Variants in UBE2W observed in about 807,000 individuals in gnomAD.
The protein encoded by UBE2W is ubiquitin conjugating enzyme E2 W.
UBE2W carries 18 observed loss-of-function variants against 27.2 expected under a neutral mutation model. That is an observed-to-expected ratio of 0.66 (90% confidence interval 0.46 to 0.98). UBE2W has a LOEUF of 0.98. UBE2W is among the 50% of genes least tolerant of loss of function. The pLI is 0.00. For synonymous variants in UBE2W, 53 were observed against 57.2 expected (o/e 0.93, Z 0.33); for missense variants, 90 against 180.2 (o/e 0.50, Z 2.87).
At chr8:73,869,156 T>A (rs1202743937) in intron 1 of UBE2W, among the ~76,000 whole-genome samples, 1 of 152,166 alleles carries the variant, frequency 6.6e-6, no homozygotes, top group African/African-American at 2.4e-5. Context: ...CTGGGCATGG[T>A]GGCTCAGGCC....
At chr8:73,870,383 T>C (rs1459402459) in intron 1 of UBE2W, 1 of 1,296,324 alleles carries the variant, frequency 7.7e-7, no homozygotes, top group Non-Finnish European at 1.0e-6. Flanking sequence ...GTGCAGGGAC[T>C]AGAAATCAGA....
At chr8:73,795,707 C>G in intron 5 of UBE2W, 1 of 795,020 alleles carries the variant, frequency 1.3e-6, no homozygotes, top group East Asian at 1.3e-4. Context: ...AATAAATCAT[C>G]CCTAATTCAT....
chr8:73,786,513 G>A lies in UBE2W; in HGVS notation c.*7589C>T. ...ACTGTCCCTACTGTTAAAAAGTTCAGGATAGATGACTGGTAGGGAGAGAAG... is the reference window on the plus strand; with the variant it reads ...ACTGTCCCTACTGTTAAAAAGTTCAAGATAGATGACTGGTAGGGAGAGAAG... On this transcript the variant is annotated 3_prime_UTR_variant, in exon 6 of 6. Transcript: ENST00000602593. The A allele has an allele frequency of 1.0e-6, 1 of 985,444 alleles. No individual in the cohort carries two copies. The highest frequency in any genetic ancestry group is 1.2e-6 in the Non-Finnish European group (1 of 829,948). The allele number at this position is 985,444 out of a possible 1,614,324, so 61.0% of individuals were successfully genotyped here. A position where few individuals can be genotyped will look rare whatever the true frequency, so the allele number is the denominator to read the frequency against.
chr8:73,831,191 G>T, intron 1 of UBE2W: 1 of 446,850 alleles, frequency 2.2e-6, no homozygotes, highest in African/African-American at 2.1e-5. Flanking sequence ...CCAAATGGGT[G>T]GCTTTCCTGG....
At chr8:73,814,328 T>C (rs60279019) in intron 3 of UBE2W, among the ~76,000 whole-genome samples, 2,806 of 152,294 alleles carry the variant, frequency 0.018, 92 homozygotes, top group African/African-American at 0.065. Flanking sequence ...TTTGAAACCA[T>C]AGCAACTTTG....
chr8:73,784,998 A>C (rs1465651080), downstream of UBE2W, among the ~76,000 whole-genome samples: 4 of 152,174 alleles, frequency 2.6e-5, no homozygotes, highest in African/African-American at 4.8e-5. Context: ...GACCTACATC[A>C]TTCCAAATAC....
chr8:73,813,083 CAAAAAAAAAAAA>C (rs56094830), intron 3 of UBE2W, among the ~76,000 whole-genome samples: 6 of 43,432 alleles, frequency 1.4e-4, no homozygotes, highest in East Asian at 7.7e-4. Context: ...GAAAGTGCCA[CAAAAAAAAAAAA>C]AAAAAAAAAA....
At chr8:73,820,809 G>A (rs1298027927) in intron 3 of UBE2W, among the ~76,000 whole-genome samples, 2 of 151,912 alleles carry the variant, frequency 1.3e-5, no homozygotes, top group Non-Finnish European at 2.9e-5. Context: ...AACCAAGCCA[G>A]GCATGGCGGC....
At chr8:73,817,541 T>G (rs1329925335) in intron 3 of UBE2W, among the ~76,000 whole-genome samples, 2 of 152,008 alleles carry the variant, frequency 1.3e-5, no homozygotes, top group Non-Finnish European at 2.9e-5. Flanking sequence ...TGTTTTGAGA[T>G]GGAGTCTCGT....
chr8:73,866,835 G>A (rs1041260446), intron 1 of UBE2W, among the ~76,000 whole-genome samples: 2 of 150,376 alleles, frequency 1.3e-5, no homozygotes, highest in African/African-American at 4.9e-5. Context: ...AGATCACAAG[G>A]TCAGGAAATC....
chr8:73,807,376 G>A (rs1272393691), intron 4 of UBE2W, among the ~76,000 whole-genome samples: 1 of 152,196 alleles, frequency 6.6e-6, no homozygotes, highest in African/African-American at 2.4e-5. Flanking sequence ...GCAATCGTGA[G>A]TAGGACTCTG....
intron 1 of UBE2W, among the ~76,000 whole-genome samples, chr8:73,853,606 G>A (rs1811166172): frequency 6.6e-6 from 1 of 152,138 alleles, no homozygotes; most frequent in East Asian, 1.9e-4. Context: ...ATTTGTAGGA[G>A]TGTATAATAC....
chr8:73,874,970 T>C (rs916248061), intron 1 of UBE2W, among the ~76,000 whole-genome samples: 1 of 151,944 alleles, frequency 6.6e-6, no homozygotes, highest in Non-Finnish European at 1.5e-5. Flanking sequence ...CCCAGGGAGG[T>C]TGAAACTGCA....
chr8:73,794,778 C>G (rs1298752459), intron 5 of UBE2W, among the ~76,000 whole-genome samples: 1 of 147,156 alleles, frequency 6.8e-6, no homozygotes, highest in African/African-American at 2.5e-5. Context: ...TGGCACACAT[C>G]GGTAGTCTCA....
chr8:73,838,893 C>T (rs969618463), intron 1 of UBE2W, among the ~76,000 whole-genome samples: 1 of 152,162 alleles, frequency 6.6e-6, no homozygotes, highest in African/African-American at 2.4e-5. Flanking sequence ...ACTAATCAGA[C>T]TGATTGTGGG....
At chr8:73,806,944 T>C (rs71527230) in intron 4 of UBE2W, among the ~76,000 whole-genome samples, 17,148 of 152,110 alleles carry the variant, frequency 0.11, 1,043 homozygotes, top group Middle Eastern at 0.18. Flanking sequence ...ATATGAGAAA[T>C]ATATGGCAGC....
intron 5 of UBE2W, among the ~76,000 whole-genome samples, chr8:73,796,278 C>T (rs1268418807): frequency 6.6e-6 from 1 of 152,002 alleles, no homozygotes; most frequent in African/African-American, 2.4e-5. Context: ...AAAGATGGCA[C>T]TAAAATTCTA....
At chr8:73,860,027 A>G (rs1051475559) in intron 1 of UBE2W, among the ~76,000 whole-genome samples, 14 of 152,142 alleles carry the variant, frequency 9.2e-5, no homozygotes, top group Admixed American at 6.5e-5. Flanking sequence ...TTGGAAAGAA[A>G]GCAGTCACAT....
chr8:73,874,387 G>A (rs139841939), intron 1 of UBE2W, among the ~76,000 whole-genome samples: 3,687 of 152,154 alleles, frequency 0.024, 54 homozygotes, highest in South Asian at 0.057. Context: ...AGCCGAGATC[G>A]CACCACTGCA....
Sources: gnomAD v4.1 joint callset for allele counts (sites outside exome capture counted in the v4.1 genomes callset) on GRCh38, gnomAD v4.1.1 for gene constraint, MANE v1.5 for transcripts, NCBI Gene and HGNC (gene_info 2026-07-23, HGNC 2026-07-21) for gene names.